The following LYST variants were observed in gnomAD, a reference collection of about 807,000 sequenced individuals.
LYST encodes the protein lysosomal-trafficking regulator.
Under a neutral mutation model 413.6 loss-of-function variants are expected in LYST, and 192 were observed. The observed-to-expected ratio is 0.46, with a 90% CI of 0.41 to 0.52. LYST has a LOEUF of 0.52. LYST is among the 20% of genes least tolerant of loss of function. LYST has a pLI of 0.00. For synonymous variants in LYST, 1,525 were observed against 1,567.3 expected (o/e 0.97, Z 0.64); for missense variants, 3,815 against 4,499.9 (o/e 0.85, Z 4.35).
At chr1:235,682,026 C>G (rs549020781) in intron 48 of LYST, among the ~76,000 whole-genome samples, 1 of 152,048 alleles carries the variant, frequency 6.6e-6, no homozygotes, top group Non-Finnish European at 1.5e-5. Flanking sequence ...AGGGTTATTA[C>G]GAAGATTTAA....
In LYST at chr1:235,784,137, A is replaced by G. The variant is rs185123087; in HGVS notation, c.4863-2050T>C. Among the ~76,000 whole-genome samples, 44 of 152,238 alleles carry G rather than the reference A, an allele frequency of 2.9e-4. No individual in the cohort carries two copies. The East Asian group carries it at 8.5e-3, about 29-fold the overall frequency. On this transcript the variant is annotated intron_variant, in intron 14 of 52. Transcript: ENST00000389793. ...TCAAGCAATCCTTCTGCCTCGGCCT[A>G]TCAAAGTGCTGGGATTACAGGCATG...
intron 48 of LYST, among the ~76,000 whole-genome samples, chr1:235,684,655 G>A (rs960485633): frequency 1.1e-4 from 17 of 152,050 alleles, no homozygotes; most frequent in African/African-American, 3.1e-4. Context: ...TCACTCTGCC[G>A]CCCAGGCTGG....
At chr1:235,762,345 G>A (rs927189145) in intron 22 of LYST, among the ~76,000 whole-genome samples, 5 of 152,154 alleles carry the variant, frequency 3.3e-5, no homozygotes, top group Non-Finnish European at 7.3e-5. Flanking sequence ...TAGAGAAAAG[G>A]TACCCTGAGT....
At chr1:235,882,021 TTA>T (rs1295865316) in intron 1 of LYST, among the ~76,000 whole-genome samples, 1 of 150,990 alleles carries the variant, frequency 6.6e-6, no homozygotes, top group East Asian at 1.9e-4. Flanking sequence ...ACGATAAATT[TTA>T]TGTTATGTAT....
At chr1:235,725,584 C>A (rs753991722) in intron 38 of LYST, among the ~76,000 whole-genome samples, 3 of 152,134 alleles carry the variant, frequency 2.0e-5, no homozygotes, top group Non-Finnish European at 4.4e-5. Flanking sequence ...TAGGTTAAAT[C>A]CATGTCTGGA....
chr1:235,670,008 G>A (rs1658802302), intron 50 of LYST, among the ~76,000 whole-genome samples: 1 of 152,114 alleles, frequency 6.6e-6, no homozygotes. Flanking sequence ...AACTATGTCA[G>A]AAATAATAAG....
intron 39 of LYST, among the ~76,000 whole-genome samples, chr1:235,723,785 G>T (rs1157343212): frequency 2.0e-5 from 3 of 152,148 alleles, no homozygotes; most frequent in Non-Finnish European, 4.4e-5. Context: ...GTCAAAGATG[G>T]ACCCTGCTAC....
At chr1:235,858,728 C>CA (rs1679499963) in intron 1 of LYST, among the ~76,000 whole-genome samples, 1 of 152,186 alleles carries the variant, frequency 6.6e-6, no homozygotes, top group Non-Finnish European at 1.5e-5. Flanking sequence ...ACCCCCTACT[C>CA]AAGTTTTCCA....
At chr1:235,740,598 G>A (rs1359216525) in intron 31 of LYST, among the ~76,000 whole-genome samples, 4 of 152,102 alleles carry the variant, frequency 2.6e-5, no homozygotes, top group Admixed American at 2.6e-4. Context: ...CCAGTAGTCT[G>A]TTCCTTTTTA....
intron 12 of LYST, among the ~76,000 whole-genome samples, chr1:235,790,255 T>C (rs975178880): frequency 6.6e-6 from 1 of 152,236 alleles, no homozygotes; most frequent in African/African-American, 2.4e-5. Context: ...GCTTATAGTA[T>C]AGTAGCAATG....
intron 3 of LYST, among the ~76,000 whole-genome samples, chr1:235,814,387 G>A (rs774788920): frequency 6.6e-6 from 1 of 152,086 alleles, no homozygotes; most frequent in Non-Finnish European, 1.5e-5. Flanking sequence ...ATTTTCCCAG[G>A]GTGAGAATAT....
At chr1:235,720,375 G>A (rs1431007479) in intron 40 of LYST, among the ~76,000 whole-genome samples, 2 of 151,932 alleles carry the variant, frequency 1.3e-5, no homozygotes, top group African/African-American at 4.8e-5. Context: ...TGTGATAATA[G>A]CACTGTGGTT....
intron 50 of LYST, among the ~76,000 whole-genome samples, chr1:235,673,272 T>C (rs1377637102): frequency 6.6e-6 from 1 of 152,142 alleles, no homozygotes; most frequent in Non-Finnish European, 1.5e-5. Context: ...TTATTATTAA[T>C]GTAACTAAGT....
chr1:235,833,801 ACTAAAAAAATGC>A (rs1367368589), intron 1 of LYST, 134 bp from the exon 2 acceptor site: 1 of 153,730 alleles, frequency 6.5e-6, no homozygotes, highest in Non-Finnish European at 1.4e-5. Flanking sequence ...TTAGGAGCAC[ACTAAAAAAATGC>A]CTACTTCAAG....
intron 21 of LYST, among the ~76,000 whole-genome samples, chr1:235,764,495 C>CTTTTTTTTTT (rs1020736833): frequency 1.0e-4 from 10 of 97,950 alleles, no homozygotes; most frequent in East Asian, 2.6e-4. Flanking sequence ...TTTTTCTTTT[C>CTTTTTTTTTT]TTTTTTTTTT....
chr1:235,730,565 ATATGTGTGTGTGTGTGTG>A (rs764986307), intron 36 of LYST, among the ~76,000 whole-genome samples: 4 of 105,484 alleles, frequency 3.8e-5, no homozygotes, highest in African/African-American at 1.6e-4. Context: ...ATACATATTT[ATATGTGTGTGTGTGTGTG>A]TGTGTGTGTG....
Position 235,709,253 on chromosome 1 carries a change from G to A in LYST, c.9981C>T (p.Pro3327=). ...NGERVNHVNL[P]PWARNDPRLF... is the part of the protein sequence containing the mutation. ...GACGAGGATCATTACGCGCCCAAGG[G>A]GGAAGGTTGACGTGATTAACCCGTT... Residue 3327 remains proline, a synonymous_variant, in exon 44 of 53, where the codon CCC becomes CCT. Transcript: ENST00000389793. The A allele has an allele frequency of 6.2e-7, 1 of 1,614,024 alleles. No individual in the cohort carries two copies. Among genetic ancestry groups the A allele is most frequent in the South Asian group, 1.1e-5 (1 of 91,080 alleles).
chr1:235,843,761 A>G (rs961225963), intron 1 of LYST, among the ~76,000 whole-genome samples: 1 of 152,206 alleles, frequency 6.6e-6, no homozygotes, highest in Admixed American at 6.5e-5. Flanking sequence ...AAGTAAAAGG[A>G]AAAAACAACA....
intron 1 of LYST, among the ~76,000 whole-genome samples, chr1:235,835,839 A>G (rs1227583131): frequency 6.6e-6 from 1 of 152,176 alleles, no homozygotes; most frequent in African/African-American, 2.4e-5. Context: ...CTAGGTCACA[A>G]GTTACTTAAG....
Sources: allele counts gnomAD v4.1 joint callset (sites outside exome capture counted in the v4.1 genomes callset), GRCh38; gene constraint gnomAD v4.1.1; transcripts MANE v1.5; gene names NCBI Gene and HGNC (gene_info 2026-07-23, HGNC 2026-07-21).